CCDC18: variants seen among roughly 807,000 people sequenced by gnomAD.
CCDC18 encodes coiled-coil domain-containing protein 18.
In CCDC18, 157 loss-of-function variants were observed where a neutral mutation model predicts 196.0. That is an observed-to-expected ratio of 0.80 (90% confidence interval 0.70 to 0.91). CCDC18 has a LOEUF of 0.91. CCDC18 is among the 40% of genes least tolerant of loss of function. The pLI is 0.00. For synonymous variants in CCDC18, 482 were observed against 529.2 expected (o/e 0.91, Z 1.22); for missense variants, 1,465 against 1,611.6 (o/e 0.91, Z 1.56).
At chr1:93,210,712 C>G (rs1212319631) in intron 9 of CCDC18, 90 bp from the exon 10 acceptor site, 2 of 871,430 alleles carry the variant, frequency 2.3e-6, no homozygotes, top group Non-Finnish European at 3.5e-6. Flanking sequence ...CCATTAAATT[C>G]ATACAGTTTT....
intron 7 of CCDC18, among the ~76,000 whole-genome samples, chr1:93,204,959 G>A (rs1277703171): frequency 1.3e-5 from 2 of 150,594 alleles, no homozygotes; most frequent in Non-Finnish European, 2.9e-5. Flanking sequence ...ACTTTATGGA[G>A]AAGGAGAGAA....
intron 23 of CCDC18, among the ~76,000 whole-genome samples, chr1:93,248,114 C>T (rs1042507249): frequency 2.1e-5 from 3 of 144,114 alleles, no homozygotes; most frequent in Non-Finnish European, 4.5e-5. Context: ...CTCCCGGGTT[C>T]AAGCAATTCT....
At chr1:93,237,426 ATTCTGT>A (rs963381805) in intron 19 of CCDC18, among the ~76,000 whole-genome samples, 5 of 152,054 alleles carry the variant, frequency 3.3e-5, no homozygotes, top group African/African-American at 1.2e-4. Flanking sequence ...CTCTCCACAC[ATTCTGT>A]TTCTTTCTCC....
chr1:93,240,095 A>G (rs1660577171), intron 21 of CCDC18, among the ~76,000 whole-genome samples, 199 bp downstream of exon 21: 1 of 152,164 alleles, frequency 6.6e-6, no homozygotes, highest in African/African-American at 2.4e-5. Flanking sequence ...CTCAGTCTTT[A>G]GACCATTTTA....
At chr1:93,220,061 T>TA (rs985597731) in intron 14 of CCDC18, among the ~76,000 whole-genome samples, 2 of 151,978 alleles carry the variant, frequency 1.3e-5, no homozygotes, top group African/African-American at 4.8e-5. Flanking sequence ...TTTACAAATT[T>TA]AAAAAAATCA....
intron 4 of CCDC18, among the ~76,000 whole-genome samples, chr1:93,188,342 C>G (rs977503264): frequency 1.3e-5 from 2 of 152,214 alleles, no homozygotes; most frequent in Non-Finnish European, 2.9e-5. Flanking sequence ...CCCTCTACAC[C>G]TGCTGTCCAA....
chr1:93,271,583 C>A, intron 28 of CCDC18: 1 of 958,822 alleles, frequency 1.0e-6, no homozygotes, highest in Non-Finnish European at 1.2e-6. Flanking sequence ...GCCTGCAATC[C>A]CAGCTATCCA....
At chr1:93,226,312 T>TTTTTTTTTTTTTC in intron 16 of CCDC18, 21 bp from the exon 17 acceptor site, 1 of 933,492 alleles carries the variant, frequency 1.1e-6, no homozygotes, top group South Asian at 1.9e-5. Context: ...TTTTTTTTTT[T>TTTTTTTTTTTTTC]TTGCTTTTTT....
intron 26 of CCDC18, among the ~76,000 whole-genome samples, chr1:93,260,926 T>C (rs1663699812): frequency 6.6e-6 from 1 of 152,248 alleles, no homozygotes; most frequent in Non-Finnish European, 1.5e-5. Context: ...GCTTCATCCA[T>C]GTCCCTGCAA....
Position 93,242,772 on chromosome 1 carries a change from C to A in CCDC18, c.2981+2876C>A, listed in dbSNP as rs539758637. On this transcript the variant is annotated intron_variant, in intron 21 of 28. Transcript: ENST00000690025. ...TCCAAATGGTAGAAATTGGCCAAAA[C>A]AAAGGGGCTACAGGCCCCATGCAAG... Among the ~76,000 whole-genome samples the A allele has an allele frequency of 2.0e-5, 3 of 152,290 alleles. No homozygotes were observed. The South Asian group carries it at 6.2e-4, about 32-fold the overall frequency.
At chr1:93,261,313 T>C (rs572666973) in intron 26 of CCDC18, among the ~76,000 whole-genome samples, 6 of 152,136 alleles carry the variant, frequency 3.9e-5, no homozygotes, top group Non-Finnish European at 8.8e-5. Flanking sequence ...TATTTAAAAA[T>C]AGAATAGTAT....
intron 23 of CCDC18, 148 bp from the exon 24 acceptor site, chr1:93,254,323 G>T: frequency 1.8e-6 from 1 of 561,326 alleles, no homozygotes; most frequent in Non-Finnish European, 3.1e-6. Flanking sequence ...AAGAATTTTT[G>T]TGCTTATTTC....
At chr1:93,261,279 C>A (rs1297947340) in intron 26 of CCDC18, among the ~76,000 whole-genome samples, 3 of 151,920 alleles carry the variant, frequency 2.0e-5, no homozygotes, top group Admixed American at 1.3e-4. Flanking sequence ...TTGTTTTAAC[C>A]TTTAATTGTG....
At chr1:93,193,559 T>A in intron 5 of CCDC18, 57 bp from the exon 6 acceptor site, 1 of 1,141,808 alleles carries the variant, frequency 8.8e-7, no homozygotes, top group Admixed American at 2.8e-5. Context: ...AAATTATTCT[T>A]GCATACCTGG....
chr1:93,198,713 T>G (rs954282056), intron 6 of CCDC18, among the ~76,000 whole-genome samples: 1 of 152,180 alleles, frequency 6.6e-6, no homozygotes, highest in African/African-American at 2.4e-5. Context: ...AATGCTGTGG[T>G]CATGGCTCAC....
At position 93,210,932 on chromosome 1, in the gene CCDC18, A is replaced by G; in HGVS notation, c.1334+6A>G. On this transcript the variant is annotated splice_donor_region_variant and intron_variant, in intron 10 of 28. Coordinates refer to ENST00000690025, the MANE Select transcript of CCDC18 (RefSeq NM_001378204.1). ...TTGGTGATTTCGGAATTGAGGTACA[A>G]TTTTCAGATTCTGCAGTTATAGCAA... The G allele has an allele frequency of 1.9e-6, 3 of 1,613,218 alleles. No individual in the cohort carries two copies. The highest frequency in any genetic ancestry group is 2.5e-6 in the Non-Finnish European group (3 of 1,179,524).
intron 21 of CCDC18, among the ~76,000 whole-genome samples, chr1:93,241,461 C>T (rs1242106558): frequency 6.6e-6 from 1 of 151,948 alleles, no homozygotes; most frequent in Non-Finnish European, 1.5e-5. Flanking sequence ...CGGTGGCTCA[C>T]GCCTGTAATC....
chr1:93,217,651 C>G (rs1656727699), intron 13 of CCDC18, 87 bp from the exon 14 acceptor site: 18 of 1,095,484 alleles, frequency 1.6e-5, no homozygotes, highest in Non-Finnish European at 2.3e-5. Flanking sequence ...GTTTCCCAGG[C>G]TAGTCTTGAA....
chr1:93,228,594 A>C (rs1185464174), intron 17 of CCDC18, among the ~76,000 whole-genome samples: 1 of 151,914 alleles, frequency 6.6e-6, no homozygotes, highest in African/African-American at 2.4e-5. Flanking sequence ...AGCATCTTTG[A>C]CAGGCATATA....
Sources: allele counts gnomAD v4.1 joint callset (sites outside exome capture counted in the v4.1 genomes callset), GRCh38; gene constraint gnomAD v4.1.1; transcripts MANE v1.5; gene names NCBI Gene and HGNC (gene_info 2026-07-23, HGNC 2026-07-21).